The following ARHGEF4 variants were observed in gnomAD, a reference collection of about 807,000 sequenced individuals.
ARHGEF4 encodes the protein APC-stimulated guanine nucleotide exchange factor 1.
Under a neutral mutation model 162.0 loss-of-function variants are expected in ARHGEF4, and 119 were observed. That is an observed-to-expected ratio of 0.73 (90% CI 0.63 to 0.86). ARHGEF4 has a LOEUF of 0.86. Among genes scored for constraint, ARHGEF4 ranks in the 40% least tolerant of loss-of-function variants. ARHGEF4 has a pLI of 0.00. For missense variants in ARHGEF4, 2,488 were observed against 2,456.0 expected (o/e 1.01, Z -0.28); for synonymous variants, 1,014 against 979.9 (o/e 1.03, Z -0.65).
chr2:130,979,371 C>T (rs1441397985), intron 4 of ARHGEF4, among the ~76,000 whole-genome samples: 1 of 152,174 alleles, frequency 6.6e-6, no homozygotes, highest in East Asian at 1.9e-4. Flanking sequence ...TAATCCCAAC[C>T]ATGTCTCTCT....
At chr2:130,855,181 G>C (rs1167581055) in intron 1 of ARHGEF4, among the ~76,000 whole-genome samples, 1 of 151,952 alleles carries the variant, frequency 6.6e-6, no homozygotes, top group Non-Finnish European at 1.5e-5. Context: ...GGCCGGAGGA[G>C]TCTTTTTACT....
intron 4 of ARHGEF4, among the ~76,000 whole-genome samples, chr2:130,994,714 A>C (rs892260188): frequency 1.3e-5 from 2 of 152,092 alleles, no homozygotes; most frequent in Admixed American, 1.3e-4. Flanking sequence ...TGTTTTCCTT[A>C]AGGAGATTGA....
At chr2:130,960,636 C>T (rs1362990500) in intron 4 of ARHGEF4, among the ~76,000 whole-genome samples, 1 of 152,116 alleles carries the variant, frequency 6.6e-6, no homozygotes, top group Non-Finnish European at 1.5e-5. Context: ...ATAAACCTAC[C>T]ATATGATGGT....
chr2:131,022,607 C>T (rs1349746927), intron 4 of ARHGEF4, among the ~76,000 whole-genome samples: 1 of 150,894 alleles, frequency 6.6e-6, no homozygotes, highest in Non-Finnish European at 1.5e-5. Context: ...TACCATTAGA[C>T]CATCCATAGG....
At chr2:131,001,259 C>T (rs1436064960) in intron 4 of ARHGEF4, among the ~76,000 whole-genome samples, 1 of 141,652 alleles carries the variant, frequency 7.1e-6, no homozygotes, top group Non-Finnish European at 1.5e-5. Context: ...GCTGAGATTG[C>T]ACCACTGCAC....
chr2:130,896,831 C>T (rs1346484178), intron 1 of ARHGEF4, among the ~76,000 whole-genome samples: 1 of 152,208 alleles, frequency 6.6e-6, no homozygotes, highest in East Asian at 1.9e-4. Flanking sequence ...CTCAGAGCAG[C>T]AGGGCCACAC....
intron 4 of ARHGEF4, among the ~76,000 whole-genome samples, chr2:130,996,989 A>G: frequency 6.6e-6 from 1 of 152,300 alleles, no homozygotes; most frequent in South Asian, 2.1e-4. Flanking sequence ...AATATTGCAA[A>G]TATATTCTCA....
At position 130,916,634 on chromosome 2, in the gene ARHGEF4, G is replaced by T. The variant is rs1335293695; in HGVS notation, c.2688G>T (p.Lys896Asn). Reference protein sequence around the residue: ...RGPSSESCNAKRLKTTEKKLR... With the variant: ...RGPSSESCNANRLKTTEKKLR... Reference sequence around the variant, plus strand: ...CTTCCTCTGAGAGCTGCAACGCAAAGAGACTCAAAACAACGGAGAAAAAAC... The same window carrying T: ...CTTCCTCTGAGAGCTGCAACGCAAATAGACTCAAAACAACGGAGAAAAAAC... The change falls in exon 2 of 14, where the codon AAG (lysine) becomes AAT (asparagine). Residue 896 changes from lysine to asparagine, a missense_variant. Physicochemically the swap from Lys to Asn is moderately conservative, Grantham distance 94. Coordinates refer to ENST00000409359, the MANE Select transcript of ARHGEF4 (RefSeq NM_001367493.1). The T allele has an allele frequency of 1.9e-6, 3 of 1,550,610 alleles. No homozygotes were observed. The South Asian group carries it at 3.6e-5, about 18-fold the overall frequency.
chr2:131,033,454 C>T (rs1690008137), intron 5 of ARHGEF4, among the ~76,000 whole-genome samples: 1 of 152,320 alleles, frequency 6.6e-6, no homozygotes, highest in Middle Eastern at 3.4e-3. Flanking sequence ...GACCCTCCAG[C>T]ACTCAGTGCC....
intron 1 of ARHGEF4, among the ~76,000 whole-genome samples, chr2:130,868,379 G>A (rs1248635930): frequency 6.6e-6 from 1 of 151,174 alleles, no homozygotes; most frequent in Non-Finnish European, 1.5e-5. Context: ...GGGGGTTGGC[G>A]CTGATGGCAG....
rs1204101458 is a variant in ARHGEF4, at chr2:130,931,405, G to A, written c.3858+148G>A. The A allele has an allele frequency of 3.1e-5, 26 of 845,114 alleles. No individual in the cohort carries two copies. The East Asian group carries it at 7.0e-4, about 23-fold the overall frequency. 52.4% of individuals were successfully genotyped at this position (845,114 alleles called of 1,614,324 possible). A position where few individuals can be genotyped will look rare whatever the true frequency, so the allele number is the denominator to read the frequency against. Reference sequence around the variant, plus strand: ...CCTTGGATTACAGCATGCTGCCTGGGCCACACTCAGTACTGCAGTCGAGGG... The same window carrying A: ...CCTTGGATTACAGCATGCTGCCTGGACCACACTCAGTACTGCAGTCGAGGG... On this transcript the variant is annotated intron_variant, in intron 3 of 13. Transcript: ENST00000409359.
chr2:130,889,539 G>A (rs978728397), intron 1 of ARHGEF4, among the ~76,000 whole-genome samples: 2 of 151,832 alleles, frequency 1.3e-5, no homozygotes, highest in Non-Finnish European at 2.9e-5. Context: ...CAGGCTGGGC[G>A]TGGTGGCTCA....
At chr2:131,038,229 T>C (rs1009814768) in intron 5 of ARHGEF4, among the ~76,000 whole-genome samples, 1 of 151,290 alleles carries the variant, frequency 6.6e-6, no homozygotes, top group Non-Finnish European at 1.5e-5. Context: ...CCCCAGCCCC[T>C]CCCTCCTGCA....
intron 4 of ARHGEF4, among the ~76,000 whole-genome samples, chr2:131,016,022 C>T (rs565631608): frequency 4.6e-5 from 7 of 152,144 alleles, no homozygotes; most frequent in African/African-American, 9.7e-5. Flanking sequence ...CCCCGGGAGC[C>T]TCACCTCTCA....
intron 5 of ARHGEF4, chr2:131,035,671 G>A (rs1213997821): frequency 1.1e-5 from 11 of 987,484 alleles, no homozygotes; most frequent in African/African-American, 3.5e-5. Flanking sequence ...GCACCGCTGC[G>A]CATGTTACCT....
At chr2:130,962,125 G>A (rs982006944) in intron 4 of ARHGEF4, among the ~76,000 whole-genome samples, 1 of 152,034 alleles carries the variant, frequency 6.6e-6, no homozygotes, top group African/African-American at 2.4e-5. Context: ...TGTAATCCCA[G>A]CTACGTGGGA....
At position 131,019,691 on chromosome 2, in the gene ARHGEF4, T is replaced by C. The variant is rs899454905; in HGVS notation, c.3986-8254T>C. 7.2e-5 allele frequency among the ~76,000 whole-genome samples: 11 copies of C among 152,248 alleles called. No homozygotes were observed. In the East Asian group the frequency reaches 1.9e-3, roughly 27 times the overall value. ...CTCTGTCGCCCAGGCTGGAGTGCAG[T>C]GGCGCGATCTCGGCTCACTGCAAGC... On this transcript the variant is annotated intron_variant, in intron 4 of 13. Coordinates refer to ENST00000409359, the MANE Select transcript of ARHGEF4 (RefSeq NM_001367493.1).
At chr2:130,954,149 G>T (rs923017010) in intron 4 of ARHGEF4, among the ~76,000 whole-genome samples, 1 of 152,190 alleles carries the variant, frequency 6.6e-6, no homozygotes, top group African/African-American at 2.4e-5. Flanking sequence ...ACTTGGAACC[G>T]ACCCAAATGT....
intron 1 of ARHGEF4, among the ~76,000 whole-genome samples, chr2:130,908,673 T>TA (rs1680989215): frequency 6.6e-6 from 1 of 151,756 alleles, no homozygotes; most frequent in Non-Finnish European, 1.5e-5. Flanking sequence ...GAGCTCCATC[T>TA]AAAAAAATAG....
Sources: allele counts gnomAD v4.1 joint callset (sites outside exome capture counted in the v4.1 genomes callset), GRCh38; gene constraint gnomAD v4.1.1; transcripts MANE v1.5; gene names NCBI Gene and HGNC (gene_info 2026-07-23, HGNC 2026-07-21).